Variants in TOMM40L observed in about 807,000 individuals in gnomAD.
The protein encoded by TOMM40L is translocase of outer mitochondrial membrane 40 like.
In TOMM40L, 17 loss-of-function variants were observed where a neutral mutation model predicts 38.3. The observed-to-expected ratio is 0.44, with a 90% confidence interval of 0.30 to 0.67. The LOEUF (loss-of-function observed/expected upper bound fraction) is 0.67, where lower values mean the gene tolerates loss of function less well. TOMM40L is among the 30% of genes least tolerant of loss of function. The pLI is 0.08. For missense variants in TOMM40L, 294 were observed against 390.0 expected (o/e 0.75, Z 2.07); for synonymous variants, 151 against 150.2 (o/e 1.01, Z -0.04).
Position 161,226,428 on chromosome 1 carries a change from T to C in TOMM40L, c.-62T>C. 7.0e-7 allele frequency: 1 copy of C among 1,438,342 alleles called. No individual in the cohort carries two copies. The highest frequency in any genetic ancestry group is 9.5e-7 in the Non-Finnish European group (1 of 1,053,966). 89.1% of individuals were successfully genotyped at this position (1,438,342 alleles called of 1,614,324 possible). ...ATGGGGGGTGGGGCCCGTTGGGGGGTAAAGGGGCAATAGCGTCCTTTCACA... is the reference window on the plus strand; with the variant it reads ...ATGGGGGGTGGGGCCCGTTGGGGGGCAAAGGGGCAATAGCGTCCTTTCACA... On this transcript the variant is annotated 5_prime_UTR_variant, in exon 2 of 10. Coordinates refer to ENST00000367988, the MANE Select transcript of TOMM40L (RefSeq NM_032174.6).
In TOMM40L at chr1:161,230,097, A is replaced by AG. The variant is rs1218796767; in HGVS notation, c.*1007dup. On this transcript the variant is annotated 3_prime_UTR_variant, in exon 10 of 10. Transcript: ENST00000367988. Reference sequence around the variant, plus strand: ...CTATCAGAGGTTCCAAAGGTCCTCCAGGGGGCCTCGGTCTGACACTGTCTT... The same window carrying AG: ...CTATCAGAGGTTCCAAAGGTCCTCCAGGGGGGCCTCGGTCTGACACTGTCTT... 6 of 743,302 alleles carry AG rather than the reference A, an allele frequency of 8.1e-6. No homozygotes were observed. The highest frequency in any genetic ancestry group is 1.8e-5 in the African/African-American group (1 of 56,346). The allele number at this position is 743,302 out of a possible 1,614,324, so 46.0% of individuals were successfully genotyped here.
rs911806264 is a variant in TOMM40L, at chr1:161,230,055, T to A, written c.*960T>A. On this transcript the variant is annotated 3_prime_UTR_variant, in exon 10 of 10. Transcript: ENST00000367988. Reference sequence around the variant, plus strand: ...CAGGTCTGAACATTAGAGAAAATCATGCTCTGGTATGACAGACTATCAGAG... The same window carrying A: ...CAGGTCTGAACATTAGAGAAAATCAAGCTCTGGTATGACAGACTATCAGAG... 1 of 1,124,212 alleles carries A rather than the reference T, an allele frequency of 8.9e-7. No individual in the cohort carries two copies. Among genetic ancestry groups the A allele is most frequent in the Non-Finnish European group, 1.3e-6 (1 of 785,416 alleles). The allele number at this position is 1,124,212 out of a possible 1,614,324, so 69.6% of individuals were successfully genotyped here.
Position 161,227,626 on chromosome 1 carries a change from C to A in TOMM40L, c.277-10C>A, listed in dbSNP as rs776681654. 6.2e-7 allele frequency: 1 copy of A among 1,611,220 alleles called. No homozygotes were observed. The highest frequency in any genetic ancestry group is 1.1e-5 in the South Asian group (1 of 90,922). On this transcript the variant is annotated splice_polypyrimidine_tract_variant and intron_variant, in intron 4 of 9. Coordinates refer to ENST00000367988, the MANE Select transcript of TOMM40L (RefSeq NM_032174.6). ...GGCTCAGCCTTACTACTGTGTACAC[C>A]CTTCCACAGGTGTTCCCCACTGTGG... is the stretch of plus-strand genomic sequence containing the variant.
At position 161,228,276 on chromosome 1, in the gene TOMM40L, G is replaced by A. The variant is rs753883387; in HGVS notation, c.575G>A (p.Gly192Glu). Residue 192 changes from glycine (G) to glutamate (E), a missense_variant, in exon 7 of 10, where the codon GGG (glycine) becomes GAG (glutamate). Transcript: ENST00000367988. ...LVYHRRPGEE[G>E]AILTLAGKYS... is the part of the protein sequence containing the mutation. ...TATCACCGGCGGCCAGGCGAAGAGG[G>A]GGCCATCTTGACACTGGCTGGGAAG... 6.2e-7 allele frequency: 1 copy of A among 1,607,230 alleles called. No individual in the cohort carries two copies. Among genetic ancestry groups the A allele is most frequent in the Non-Finnish European group, 8.5e-7 (1 of 1,175,788 alleles).
intron 5 of TOMM40L, 49 bp from the exon 6 acceptor site, chr1:161,227,835 A>G (rs1408420355): frequency 6.2e-7 from 1 of 1,606,570 alleles, no homozygotes; most frequent in African/African-American, 1.3e-5. Flanking sequence ...AGAGTCTATA[A>G]TGATCATAAA....
In TOMM40L at chr1:161,227,631, C is replaced by T; in HGVS notation, c.277-5C>T. On this transcript the variant is annotated splice_region_variant and splice_polypyrimidine_tract_variant and intron_variant, in intron 4 of 9. Transcript: ENST00000367988. The stretch of plus-strand genomic sequence containing the variant: ...AGCCTTACTACTGTGTACACCCTTC[C>T]ACAGGTGTTCCCCACTGTGGTAGGG... 1 of 1,612,618 alleles carries T rather than the reference C, an allele frequency of 6.2e-7. No individual in the cohort carries two copies. The highest frequency in any genetic ancestry group is 8.5e-7 in the Non-Finnish European group (1 of 1,179,250).
intron 1 of TOMM40L, 81 bp downstream of exon 1, chr1:161,226,217 CTGTGGTGGGG>C: frequency 2.5e-6 from 1 of 400,406 alleles, no homozygotes; most frequent in South Asian, 3.1e-5. Context: ...TAGGTGAAGT[CTGTGGTGGGG>C]GCTAGGATCA....
Position 161,226,801 on chromosome 1 carries a change from T to A in TOMM40L, c.116-87T>A. The A allele has an allele frequency of 2.0e-6, 3 of 1,483,848 alleles. No homozygotes were observed. In the Admixed American group the frequency reaches 5.6e-5, roughly 28 times the overall value. 91.9% of individuals were successfully genotyped at this position (1,483,848 alleles called of 1,614,324 possible). On this transcript the variant is annotated intron_variant, in intron 2 of 9. Coordinates refer to ENST00000367988, the MANE Select transcript of TOMM40L (RefSeq NM_032174.6). ...AAGGAGGTTAATTCCTCCAAAGTGT[T>A]CCCTATGGGATTGAAAGGGGAGACT...
chr1:161,228,364 G>T, intron 7 of TOMM40L, 56 bp downstream of exon 7: 1 of 1,611,584 alleles, frequency 6.2e-7, no homozygotes. Flanking sequence ...GACTTTTCTG[G>T]GGTTCCTGGC....
rs752848691 is a variant in TOMM40L, at chr1:161,229,958, A to G, written c.*863A>G. The G allele has an allele frequency of 7.4e-6, 12 of 1,613,344 alleles. No homozygotes were observed. ...AGGAAGTAGTGGGGTTGCCAGGAAA[A>G]CAGGAGGGAAATAAGGCAGTTGGGA... On this transcript the variant is annotated 3_prime_UTR_variant, in exon 10 of 10. Transcript: ENST00000367988.
In TOMM40L at chr1:161,226,545, G is replaced by C. The variant is rs1666358309; in HGVS notation, c.56G>C (p.Arg19Pro). 6.2e-7 allele frequency: 1 copy of C among 1,614,026 alleles called. No homozygotes were observed. Among genetic ancestry groups the C allele is most frequent in the Non-Finnish European group, 8.5e-7 (1 of 1,180,014 alleles). Residue 19 changes from arginine to proline, a missense_variant, in exon 2 of 10, where the codon CGC becomes CCC. Physicochemically the swap from Arg to Pro is moderately radical, Grantham distance 103. Coordinates refer to ENST00000367988, the MANE Select transcript of TOMM40L (RefSeq NM_032174.6). ...PMGTLPRRSP[R>P]REEPLPNPGS... Reference sequence around the variant, plus strand: ...GGGACTTTGCCCCGCCGGAGCCCCCGCCGAGAGGAACCCCTGCCCAACCCT... The same window carrying C: ...GGGACTTTGCCCCGCCGGAGCCCCCCCCGAGAGGAACCCCTGCCCAACCCT...
At chr1:161,227,438 A>T in intron 4 of TOMM40L, 88 bp downstream of exon 4, 1 of 1,308,746 alleles carries the variant, frequency 7.6e-7, no homozygotes, top group Non-Finnish European at 1.1e-6. Flanking sequence ...TGTTATGGGG[A>T]GGAATGGGCC....
intron 9 of TOMM40L, 58 bp downstream of exon 9, chr1:161,228,875 A>G: frequency 1.2e-6 from 2 of 1,613,566 alleles, no homozygotes; most frequent in South Asian, 2.2e-5. Flanking sequence ...CAGAGGAGGG[A>G]GGGAAGCTCG....
At position 161,228,416 on chromosome 1, in the gene TOMM40L, T is replaced by G; in HGVS notation, c.608-12T>G. The G allele has an allele frequency of 1.2e-6, 2 of 1,614,016 alleles. No individual in the cohort carries two copies. Among genetic ancestry groups the G allele is most frequent in the Non-Finnish European group, 1.7e-6 (2 of 1,179,978 alleles). Reference sequence around the variant, plus strand: ...TTAACACTCCTTCCCCTCTGTACTTTGGATTTTACAGCTGTACACTGGGTA... The same window carrying G: ...TTAACACTCCTTCCCCTCTGTACTTGGGATTTTACAGCTGTACACTGGGTA... On this transcript the variant is annotated splice_polypyrimidine_tract_variant and intron_variant, in intron 7 of 9. Coordinates refer to ENST00000367988, the MANE Select transcript of TOMM40L (RefSeq NM_032174.6).
At chr1:161,226,226 G>T (rs1475264037) in intron 1 of TOMM40L, 90 bp downstream of exon 1, 1 of 432,222 alleles carries the variant, frequency 2.3e-6, no homozygotes, top group Non-Finnish European at 4.2e-6. Flanking sequence ...TCTGTGGTGG[G>T]GGCTAGGATC....
intron 1 of TOMM40L, 74 bp from the exon 2 acceptor site, chr1:161,226,281 T>A (rs1374664955): frequency 2.0e-5 from 11 of 541,622 alleles, no homozygotes; most frequent in Non-Finnish European, 3.3e-6. Flanking sequence ...GGGTGAGAGA[T>A]CAAAGATGGG....
intron 1 of TOMM40L, 66 bp downstream of exon 1, chr1:161,226,202 G>A (rs1258957079): frequency 2.2e-5 from 8 of 366,238 alleles, no homozygotes; most frequent in African/African-American, 1.7e-4. Flanking sequence ...GAGAGGCTAG[G>A]GAGCTAGGTG....
At chr1:161,228,655 A>G in intron 8 of TOMM40L, 60 bp from the exon 9 acceptor site, 1 of 1,597,274 alleles carries the variant, frequency 6.3e-7, no homozygotes, top group Non-Finnish European at 8.6e-7. Context: ...ATTCCCCATC[A>G]GGACCCTTCT....
rs151072324 is a variant in TOMM40L at position 161,230,486 on chromosome 1, G to A, written c.*1391G>A. On this transcript the variant is annotated 3_prime_UTR_variant, in exon 10 of 10. Transcript: ENST00000367988. ...AGGCCAAGGGAAGAGAAAAGTCTGC[G>A]TTAGTCTGGAGAAGTTGGACTAGTG... 348 of 506,094 alleles carry A rather than the reference G, an allele frequency of 6.9e-4. 1 individual carries two copies. In the East Asian group the frequency reaches 8.7e-3, roughly 13 times the overall value. 31.4% of individuals were successfully genotyped at this position (506,094 alleles called of 1,614,324 possible).
Sources: allele counts gnomAD v4.1 joint callset, GRCh38; gene constraint gnomAD v4.1.1; transcripts MANE v1.5; gene names NCBI Gene and HGNC (gene_info 2026-07-23, HGNC 2026-07-21).